The following WWOX variants were observed in gnomAD, a reference collection of about 807,000 sequenced individuals.
WWOX encodes the protein WW domain containing oxidoreductase.
A neutral mutation model predicts 46.2 loss-of-function variants in WWOX; 69 were observed. The ratio of observed to expected loss-of-function variants is 1.49; its 90% CI spans 1.23 to 1.82. The LOEUF (loss-of-function observed/expected upper bound fraction) is 1.82. Ranked by LOEUF, WWOX falls within the 40% of genes most tolerant of loss-of-function variation. The probability of loss-of-function intolerance (pLI) is 0.00; values close to 1 mark genes in which losing one functional copy is unlikely to be tolerated. For synonymous variants in WWOX, 359 were observed against 202.6 expected (o/e 1.77, Z -6.56); for missense variants, 919 against 542.6 (o/e 1.69, Z -6.89).
rs532502209 is a variant in WWOX at position 78,846,401 on chromosome 16, C to T, written c.1057-365207C>T. On this transcript the variant is annotated intron_variant, in intron 8 of 8. Coordinates refer to ENST00000566780, the MANE Select transcript of WWOX (RefSeq NM_016373.4). ...ATTTATTATCATATCTCTCCAGTCC[C>T]CTCTGGTCTGGGACAGTTTCTCATG... Among the ~76,000 whole-genome samples the T allele has an allele frequency of 7.9e-5, 12 of 152,210 alleles. No homozygotes were observed. In the South Asian group the frequency reaches 1.0e-3, roughly 13 times the overall value.
intron 5 of WWOX, among the ~76,000 whole-genome samples, chr16:78,271,893 G>A (rs1253848170): frequency 6.6e-6 from 1 of 152,146 alleles, no homozygotes; most frequent in Non-Finnish European, 1.5e-5. Context: ...TGCCACACCT[G>A]TATGGCCTTA....
At chr16:78,990,114 G>T (rs187829782) in intron 8 of WWOX, among the ~76,000 whole-genome samples, 2 of 150,542 alleles carry the variant, frequency 1.3e-5, no homozygotes, top group African/African-American at 4.9e-5. Flanking sequence ...AGCCCAGGAA[G>T]TCTAGGCTGC....
chr16:78,399,674 A>G (rs1190485643), intron 6 of WWOX, among the ~76,000 whole-genome samples: 1 of 152,184 alleles, frequency 6.6e-6, no homozygotes, highest in East Asian at 1.9e-4. Context: ...AGACTTGGAA[A>G]AAGGGTTTGA....
At chr16:78,424,050 G>C (rs553095334) in intron 6 of WWOX, among the ~76,000 whole-genome samples, 2 of 150,308 alleles carry the variant, frequency 1.3e-5, no homozygotes, top group African/African-American at 4.9e-5. Flanking sequence ...CAAGTGCTGG[G>C]TCCTGTGTCA....
chr16:78,419,625 CAAAAAAAAAAAAA>C (rs60762734), intron 6 of WWOX, among the ~76,000 whole-genome samples: 4 of 44,686 alleles, frequency 9.0e-5, no homozygotes, highest in Non-Finnish European at 1.4e-4. Context: ...CAAAAAATAG[CAAAAAAAAAAAAA>C]AAAAAAAAAA....
chr16:78,375,963 G>A (rs978250082), intron 5 of WWOX, among the ~76,000 whole-genome samples: 5 of 150,404 alleles, frequency 3.3e-5, no homozygotes, highest in Admixed American at 1.3e-4. Flanking sequence ...TGGTTCTTCT[G>A]CCTCAGCCTT....
At chr16:78,434,110 C>A (rs2083285668) in intron 8 of WWOX, among the ~76,000 whole-genome samples, 1 of 152,176 alleles carries the variant, frequency 6.6e-6, no homozygotes, top group South Asian at 2.1e-4. Context: ...TTTAAAACCA[C>A]ATCAAAAGTC....
At chr16:79,100,768 A>C (rs879517231) in intron 8 of WWOX, among the ~76,000 whole-genome samples, 3 of 152,120 alleles carry the variant, frequency 2.0e-5, no homozygotes, top group Non-Finnish European at 4.4e-5. Context: ...CTGGGCTTGC[A>C]GAAATAGGCC....
intron 8 of WWOX, among the ~76,000 whole-genome samples, chr16:78,981,397 A>G (rs1426903498): frequency 5.3e-5 from 8 of 151,872 alleles, no homozygotes; most frequent in Admixed American, 2.6e-4. Flanking sequence ...GCAGCTGTCC[A>G]TGCAGCACGT....
intron 8 of WWOX, among the ~76,000 whole-genome samples, chr16:78,840,758 GTA>G (rs966182090): frequency 3.3e-5 from 5 of 151,320 alleles, no homozygotes; most frequent in African/African-American, 1.2e-4. Context: ...ACATATATAT[GTA>G]TATATATATG....
At chr16:78,362,436 C>G (rs1318044201) in intron 5 of WWOX, among the ~76,000 whole-genome samples, 1 of 152,012 alleles carries the variant, frequency 6.6e-6, no homozygotes, top group Non-Finnish European at 1.5e-5. Context: ...ATGGTGAAAC[C>G]CTATCCCTAT....
At chr16:78,251,463 C>T (rs561851254) in intron 5 of WWOX, among the ~76,000 whole-genome samples, 130 of 152,296 alleles carry the variant, frequency 8.5e-4, no homozygotes, top group African/African-American at 3.1e-3. Flanking sequence ...CTGTTTCACT[C>T]TGTACAGGTG....
chr16:78,722,577 G>C (rs756893450), intron 8 of WWOX, among the ~76,000 whole-genome samples: 1 of 152,032 alleles, frequency 6.6e-6, no homozygotes, highest in Non-Finnish European at 1.5e-5. Flanking sequence ...CCCTCCAGTA[G>C]CTGTAGAATT....
At chr16:78,984,044 T>A (rs1315385560) in intron 8 of WWOX, among the ~76,000 whole-genome samples, 4 of 141,754 alleles carry the variant, frequency 2.8e-5, no homozygotes, top group Admixed American at 2.7e-4. Flanking sequence ...TGCCCGGCTA[T>A]TTTTTTTGTA....
intron 8 of WWOX, among the ~76,000 whole-genome samples, chr16:79,084,387 A>G (rs1250323008): frequency 6.6e-6 from 1 of 152,198 alleles, no homozygotes; most frequent in Non-Finnish European, 1.5e-5. Context: ...GTAAAATATA[A>G]ATAATTCCTA....
At chr16:79,040,954 G>A (rs2047959799) in intron 8 of WWOX, among the ~76,000 whole-genome samples, 4 of 152,100 alleles carry the variant, frequency 2.6e-5, no homozygotes, top group Admixed American at 2.6e-4. Context: ...GTTTTGGGCT[G>A]TGGGGGGACA....
chr16:78,293,983 A>AAAC (rs554195839), intron 5 of WWOX, among the ~76,000 whole-genome samples: 2 of 114,920 alleles, frequency 1.7e-5, no homozygotes, highest in Admixed American at 9.0e-5. Context: ...TCTCAGAAAA[A>AAAC]AAAAAAAAAA....
chr16:78,284,255 A>G (rs1049719067), intron 5 of WWOX, among the ~76,000 whole-genome samples: 1 of 152,118 alleles, frequency 6.6e-6, no homozygotes, highest in Non-Finnish European at 1.5e-5. Context: ...TTTTTGCAGG[A>G]TAGTGGTTTC....
chr16:78,833,633 G>A (rs376225017), intron 8 of WWOX, among the ~76,000 whole-genome samples: 116 of 152,274 alleles, frequency 7.6e-4, no homozygotes, highest in African/African-American at 2.2e-3. Flanking sequence ...CCTTTCTCTT[G>A]TGCATTACTG....
Sources: gnomAD v4.1 joint callset for allele counts (sites outside exome capture counted in the v4.1 genomes callset) on GRCh38, gnomAD v4.1.1 for gene constraint, MANE v1.5 for transcripts, NCBI Gene and HGNC (gene_info 2026-07-23, HGNC 2026-07-21) for gene names.